Variants in KCNH8 observed in about 807,000 individuals in gnomAD.
The protein encoded by KCNH8 is potassium voltage-gated channel subfamily H member 8, also known as voltage-gated delayed rectifier potassium channel KCNH8.
Under a neutral mutation model 103.6 loss-of-function variants are expected in KCNH8, and 70 were observed. The observed-to-expected ratio is 0.68, with a 90% CI of 0.56 to 0.82. The LOEUF (loss-of-function observed/expected upper bound fraction) is 0.82. Ranked by LOEUF, KCNH8 falls within the 40% of genes least tolerant of loss-of-function variation. KCNH8 has a pLI of 0.00. For missense variants in KCNH8, 1,217 were observed against 1,329.9 expected, an observed-to-expected ratio of 0.92 and a Z score of 1.32; for synonymous variants, 498 against 489.4, an observed-to-expected ratio of 1.02 and a Z score of -0.23.
At position 19,456,957 on chromosome 3, in the gene KCNH8, A is replaced by G; in HGVS notation, c.2015A>G (p.Asn672Ser). The G allele has an allele frequency of 6.2e-7, 1 of 1,611,610 alleles. No individual in the cohort carries two copies. The highest frequency in any genetic ancestry group is 8.5e-7 in the Non-Finnish European group (1 of 1,178,404). The change falls in exon 11 of 16, where the codon AAC becomes AGC. Residue 672 changes from asparagine (N) to serine (S), a missense_variant. By Grantham distance (46) the Asn-to-Ser change is conservative. Around this residue, in one of 3 missense-constraint regions of KCNH8, gnomAD observed 415 missense variants for 577.4 expected, o/e 0.72. Coordinates refer to ENST00000328405, the MANE Select transcript of KCNH8 (RefSeq NM_144633.3). ...GACATTCAGCATGACCTCACATACA[A>G]CCTCCGAGAAGGTCATGAGAGTGAT... ...VEDIQHDLTY[N>S]LREGHESDVI...
chr3:19,524,402 A>G (rs557468303), intron 15 of KCNH8, among the ~76,000 whole-genome samples: 1 of 152,016 alleles, frequency 6.6e-6, no homozygotes, highest in East Asian at 1.9e-4. Flanking sequence ...GATATGTGTT[A>G]TTGATGTTAA....
intron 3 of KCNH8, among the ~76,000 whole-genome samples, chr3:19,328,443 C>G (rs2065461265): frequency 6.6e-6 from 1 of 152,004 alleles, no homozygotes; most frequent in South Asian, 2.1e-4. Context: ...AACCATGTAT[C>G]CCCCACTACA....
At chr3:19,204,566 T>A (rs1035146517) in intron 1 of KCNH8, among the ~76,000 whole-genome samples, 1 of 152,024 alleles carries the variant, frequency 6.6e-6, no homozygotes. Context: ...AAAAAGCATG[T>A]AACAAAAACA....
At chr3:19,250,902 C>G (rs185551438) in intron 1 of KCNH8, among the ~76,000 whole-genome samples, 3 of 152,238 alleles carry the variant, frequency 2.0e-5, no homozygotes, top group Admixed American at 2.0e-4. Flanking sequence ...ATTGTGTTAC[C>G]TGGCATTATC....
chr3:19,327,125 G>C (rs1430719598), intron 3 of KCNH8, among the ~76,000 whole-genome samples: 1 of 152,238 alleles, frequency 6.6e-6, no homozygotes, highest in Admixed American at 6.5e-5. Flanking sequence ...TGGAAGCTGC[G>C]TAAGTCCAGA....
intron 1 of KCNH8, among the ~76,000 whole-genome samples, chr3:19,157,004 T>C (rs956749203): frequency 2.0e-5 from 3 of 151,840 alleles, no homozygotes; most frequent in Non-Finnish European, 4.4e-5. Context: ...TTTCTTTTGT[T>C]CTATTAAGTA....
At chr3:19,300,532 C>T (rs1049524132) in intron 3 of KCNH8, among the ~76,000 whole-genome samples, 2 of 152,110 alleles carry the variant, frequency 1.3e-5, no homozygotes, top group Admixed American at 1.3e-4. Context: ...TGTGCTTGAT[C>T]TCTGTAGTTT....
intron 1 of KCNH8, among the ~76,000 whole-genome samples, chr3:19,192,198 T>C (rs1402203012): frequency 6.6e-6 from 1 of 151,676 alleles, no homozygotes; most frequent in Non-Finnish European, 1.5e-5. Flanking sequence ...TTTTCTTGTA[T>C]GTCCTAGAAA....
chr3:19,431,211 CA>C (rs1490061624), intron 7 of KCNH8, among the ~76,000 whole-genome samples: 1 of 152,138 alleles, frequency 6.6e-6, no homozygotes, highest in African/African-American at 2.4e-5. Flanking sequence ...TGATATTTAT[CA>C]AAAGACTTCT....
At chr3:19,478,265 G>T (rs2068017307) in intron 11 of KCNH8, among the ~76,000 whole-genome samples, 1 of 151,884 alleles carries the variant, frequency 6.6e-6, no homozygotes, top group African/African-American at 2.4e-5. Flanking sequence ...GTATCATTTT[G>T]ATGTAATGAT....
chr3:19,387,065 A>C (rs1461959560), intron 5 of KCNH8, among the ~76,000 whole-genome samples: 1 of 152,154 alleles, frequency 6.6e-6, no homozygotes, highest in Non-Finnish European at 1.5e-5. Context: ...TGGTTCGTGA[A>C]CACCACCACC....
intron 1 of KCNH8, among the ~76,000 whole-genome samples, chr3:19,245,760 G>T (rs1172126466): frequency 6.6e-6 from 1 of 152,100 alleles, no homozygotes; most frequent in Admixed American, 6.6e-5. Flanking sequence ...TTGGTGTATA[G>T]AAATGGTATT....
intron 1 of KCNH8, among the ~76,000 whole-genome samples, chr3:19,234,124 C>T (rs1451207893): frequency 6.6e-6 from 1 of 152,218 alleles, no homozygotes; most frequent in Non-Finnish European, 1.5e-5. Flanking sequence ...GCCCAGTGGT[C>T]TGTTTTGACA....
intron 3 of KCNH8, among the ~76,000 whole-genome samples, chr3:19,326,898 T>G (rs937680068): frequency 1.3e-5 from 2 of 152,196 alleles, no homozygotes. Context: ...ATGTAGCTGC[T>G]ATCAGCTTGG....
chr3:19,358,223 C>CTCTT (rs1303019523), intron 5 of KCNH8, among the ~76,000 whole-genome samples: 1 of 141,502 alleles, frequency 7.1e-6, no homozygotes, highest in South Asian at 2.3e-4. Context: ...CTCTTTCCTT[C>CTCTT]TCTTTCTTTC....
intron 1 of KCNH8, among the ~76,000 whole-genome samples, chr3:19,184,093 G>C (rs539085635): frequency 1.3e-5 from 2 of 152,096 alleles, no homozygotes; most frequent in East Asian, 3.9e-4. Context: ...ATATGTTCTA[G>C]AAAACCATCC....
chr3:19,425,829 G>A (rs1212036888), intron 7 of KCNH8, among the ~76,000 whole-genome samples: 1 of 152,214 alleles, frequency 6.6e-6, no homozygotes, highest in Non-Finnish European at 1.5e-5. Context: ...GCAGGCACAG[G>A]AAGTGGTGTC....
intron 9 of KCNH8, chr3:19,450,774 C>T (rs1386816662): frequency 7.3e-6 from 2 of 272,462 alleles, no homozygotes; most frequent in Admixed American, 5.1e-5. Flanking sequence ...ACCAGCCAAA[C>T]CTGTAACCAA....
At chr3:19,342,518 T>TCC (rs2125316812) in intron 3 of KCNH8, 69 bp from the exon 4 acceptor site, 1 of 1,488,904 alleles carries the variant, frequency 6.7e-7, no homozygotes, top group African/African-American at 1.4e-5. Context: ...GAAAGGGAAC[T>TCC]GTCAAAATGA....
Sources: allele counts gnomAD v4.1 joint callset (sites outside exome capture counted in the v4.1 genomes callset), GRCh38; gene constraint gnomAD v4.1.1; regional missense constraint gnomAD v4.1.1; transcripts MANE v1.5; gene names NCBI Gene and HGNC (gene_info 2026-07-23, HGNC 2026-07-21).